The following ARPP21 variants were observed in gnomAD, a reference collection of about 807,000 sequenced individuals.
ARPP21 encodes the protein cAMP-regulated phosphoprotein 21.
Under a neutral mutation model 113.2 loss-of-function variants are expected in ARPP21, and 69 were observed. The ratio of observed to expected loss-of-function variants is 0.61; its 90% confidence interval spans 0.50 to 0.74. The LOEUF (loss-of-function observed/expected upper bound fraction) is 0.74, where lower values mean the gene tolerates loss of function less well. ARPP21 is among the 30% of genes least tolerant of loss of function. The pLI is 0.00. For synonymous variants in ARPP21, 368 were observed against 375.5 expected, an observed-to-expected ratio of 0.98 and a Z score of 0.23; for missense variants, 1,070 against 1,037.4, an observed-to-expected ratio of 1.03 and a Z score of -0.43.
intron 11 of ARPP21, chr3:35,714,890 TCTTA>T (rs1345265606): frequency 6.6e-6 from 1 of 152,138 alleles, no homozygotes. Flanking sequence ...GGCCTTCCCC[TCTTA>T]CTTAAGATCA....
intron 19 of ARPP21, chr3:35,744,378 G>T (rs2094881765): frequency 4.2e-5 from 18 of 427,194 alleles, no homozygotes; most frequent in South Asian, 3.2e-4. Context: ...GCCTTTAGAA[G>T]AAGGCTATTG....
chr3:35,647,167 G>T (rs1328750518), intron 1 of ARPP21, among the ~76,000 whole-genome samples: 1 of 152,088 alleles, frequency 6.6e-6, no homozygotes, highest in South Asian at 2.1e-4. Flanking sequence ...CAGAACTATG[G>T]ATAACTTAGT....
intron 9 of ARPP21, among the ~76,000 whole-genome samples, chr3:35,703,315 A>T (rs965802172): frequency 2.0e-4 from 30 of 151,926 alleles, no homozygotes; most frequent in Admixed American, 1.3e-4. Flanking sequence ...TGACTAGAAC[A>T]CAAGAGTTTG....
intron 1 of ARPP21, among the ~76,000 whole-genome samples, chr3:35,677,281 C>T (rs901330536): frequency 6.6e-6 from 1 of 151,828 alleles, no homozygotes; most frequent in Non-Finnish European, 1.5e-5. Flanking sequence ...AATACACACA[C>T]ACACACAGAC....
At chr3:35,652,480 A>G (rs530069237) in intron 1 of ARPP21, among the ~76,000 whole-genome samples, 1 of 152,180 alleles carries the variant, frequency 6.6e-6, no homozygotes, top group African/African-American at 2.4e-5. Flanking sequence ...TAGCTGTGAA[A>G]ATAGACTGTT....
chr3:35,781,658 C>T (rs1183511695), intron 19 of ARPP21: 1 of 152,084 alleles, frequency 6.6e-6, no homozygotes, highest in Non-Finnish European at 1.5e-5. Context: ...AAATCATGAT[C>T]TAGTTGATTA....
intron 19 of ARPP21, among the ~76,000 whole-genome samples, chr3:35,764,779 AAATG>A (rs1281795212): frequency 6.6e-6 from 1 of 152,152 alleles, no homozygotes; most frequent in African/African-American, 2.4e-5. Context: ...CTGGAGAGAT[AAATG>A]TAAGGACACC....
chr3:35,684,724 G>A (rs2080036908), intron 5 of ARPP21: 1 of 984,364 alleles, frequency 1.0e-6, no homozygotes, highest in Non-Finnish European at 1.2e-6. Flanking sequence ...TCCCCTCATG[G>A]AAACAGAGAG....
intron 1 of ARPP21, chr3:35,678,727 G>A (rs1209679768): frequency 6.6e-6 from 1 of 151,916 alleles, no homozygotes; most frequent in Non-Finnish European, 1.5e-5. Flanking sequence ...GTAAAATCCT[G>A]TAAGGAACCA....
At chr3:35,787,538 G>C (rs1284926681) in intron 19 of ARPP21, among the ~76,000 whole-genome samples, 2 of 152,106 alleles carry the variant, frequency 1.3e-5, no homozygotes. Context: ...CCCCTCAACT[G>C]TCTTCCTGGT....
At chr3:35,746,093 G>A (rs989872902) in intron 19 of ARPP21, among the ~76,000 whole-genome samples, 1 of 152,182 alleles carries the variant, frequency 6.6e-6, no homozygotes, top group Non-Finnish European at 1.5e-5. Flanking sequence ...AGAAATGATG[G>A]CATTAGTATA....
In ARPP21 at chr3:35,715,274, C is replaced by T. The variant is rs1160089905; in HGVS notation, c.898-165C>T. Reference sequence around the variant, plus strand: ...TGCTGCATGAGAATTGTTTACTTTTCTAATCCTAACCAACCTTTTTCCTTT... The same window carrying T: ...TGCTGCATGAGAATTGTTTACTTTTTTAATCCTAACCAACCTTTTTCCTTT... On this transcript the variant is annotated intron_variant, in intron 11 of 20. Transcript: ENST00000684406. The T allele has an allele frequency of 5.0e-6, 3 of 606,060 alleles. No individual in the cohort carries two copies. In the East Asian group the frequency reaches 8.4e-5, roughly 17 times the overall value. The allele number at this position is 606,060 out of a possible 1,614,324, so 37.5% of individuals were successfully genotyped here. A position where few individuals can be genotyped will look rare whatever the true frequency, so the allele number is the denominator to read the frequency against.
intron 1 of ARPP21, among the ~76,000 whole-genome samples, chr3:35,668,856 A>G (rs2075618630): frequency 6.6e-6 from 1 of 152,118 alleles, no homozygotes; most frequent in South Asian, 2.1e-4. Context: ...TTTCCACTGA[A>G]AATATGTAAT....
At chr3:35,707,149 T>C in intron 10 of ARPP21, 67 bp downstream of exon 10, 1 of 1,245,520 alleles carries the variant, frequency 8.0e-7, no homozygotes, top group African/African-American at 1.5e-5. Flanking sequence ...GATGTTCATG[T>C]CGTCCCTCTG....
chr3:35,763,904 C>T (rs927715072), intron 19 of ARPP21, among the ~76,000 whole-genome samples: 35 of 152,084 alleles, frequency 2.3e-4, no homozygotes, highest in African/African-American at 8.2e-4. Flanking sequence ...TAGCTCATGC[C>T]TGTAATCCCA....
chr3:35,683,755 C>A lies in ARPP21; in HGVS notation c.201C>A (p.Arg67=). 6.7e-7 allele frequency: 1 copy of A among 1,503,720 alleles called. No homozygotes were observed. The highest frequency in any genetic ancestry group is 9.2e-7 in the Non-Finnish European group (1 of 1,081,884). 93.1% of individuals were successfully genotyped at this position (1,503,720 alleles called of 1,614,324 possible). ...GAGCAGGAAAAGGTAAACTGACTCGCAGCCTTGCTGTCTGTGAGGAATCTT... is the reference window on the plus strand; with the variant it reads ...GAGCAGGAAAAGGTAAACTGACTCGAAGCCTTGCTGTCTGTGAGGAATCTT... ...KSGAGKGKLT[R]SLAVCEESSA... The change falls in exon 5 of 21, where the codon CGC becomes CGA. Residue 67 remains arginine (R), a synonymous_variant. Transcript: ENST00000684406.
rs140605469 is a variant in ARPP21 at position 35,671,710 on chromosome 3, C to A, written c.-212-8077C>A. ...GGAAAAATGACAGTTCGATGAGGAC[C>A]CTGTTAGAGTAAGCACTCAGAGGAA... On this transcript the variant is annotated intron_variant, in intron 1 of 20. Transcript: ENST00000684406. Among the ~76,000 whole-genome samples the A allele has an allele frequency of 2.9e-3, 447 of 151,872 alleles. 3 individuals are homozygous for A. The highest frequency in any genetic ancestry group is 9.9e-3 in the African/African-American group (410 of 41,426).
intron 10 of ARPP21, 60 bp from the exon 11 acceptor site, chr3:35,708,909 A>T: frequency 1.7e-6 from 2 of 1,146,080 alleles, no homozygotes; most frequent in African/African-American, 1.5e-5. Flanking sequence ...ACAGTTGCTT[A>T]ACCACAGATT....
chr3:35,740,253 G>T (rs921435117), intron 18 of ARPP21, among the ~76,000 whole-genome samples: 1 of 152,108 alleles, frequency 6.6e-6, no homozygotes, highest in East Asian at 1.9e-4. Context: ...GTACTCTCTT[G>T]GGTATCCCTT....
Sources: allele counts gnomAD v4.1 joint callset (sites outside exome capture counted in the v4.1 genomes callset), GRCh38; gene constraint gnomAD v4.1.1; transcripts MANE v1.5; gene names NCBI Gene and HGNC (gene_info 2026-07-23, HGNC 2026-07-21).